ANOS1: variants seen among roughly 807,000 people sequenced by gnomAD.
ANOS1 encodes the protein anosmin 1.
A neutral mutation model predicts 59.0 loss-of-function variants in ANOS1; 6 were observed. The observed-to-expected ratio is 0.10, with a 90% CI of 0.06 to 0.20. ANOS1 has a LOEUF of 0.20. ANOS1 is among the 10% of genes least tolerant of loss of function. ANOS1 has a pLI of 1.00. For missense variants in ANOS1, 433 were observed against 542.3 expected (o/e 0.80, Z 2.00); for synonymous variants, 217 against 223.4 (o/e 0.97, Z 0.25).
chrX:8,703,028 C>T (rs1215763264), intron 1 of ANOS1, among the ~76,000 whole-genome samples: 1 of 112,279 alleles, frequency 8.9e-6, no homozygotes, highest in Non-Finnish European at 1.9e-5. Context: ...TGGGCAGGAC[C>T]TTATCTCTGG....
chrX:8,546,247 G>A (rs180723043), intron 9 of ANOS1, among the ~76,000 whole-genome samples: 4 of 112,044 alleles, frequency 3.6e-5, no homozygotes, highest in East Asian at 2.8e-4. Flanking sequence ...CATGTGGTGA[G>A]TACATAAAAG....
intron 2 of ANOS1, among the ~76,000 whole-genome samples, chrX:8,692,540 C>T (rs755291860): frequency 9.0e-6 from 1 of 111,282 alleles, no homozygotes; most frequent in Non-Finnish European, 1.9e-5. Flanking sequence ...CTCCCCTCCT[C>T]ACCCACACAT....
chrX:8,568,002 T>C (rs1227950592), intron 8 of ANOS1, among the ~76,000 whole-genome samples: 1 of 112,348 alleles, frequency 8.9e-6, no homozygotes, highest in Non-Finnish European at 1.9e-5. Flanking sequence ...TAAATTTCCA[T>C]TACAACACCA....
intron 2 of ANOS1, among the ~76,000 whole-genome samples, chrX:8,680,720 G>A (rs777878242): frequency 9.0e-6 from 1 of 111,508 alleles, no homozygotes. Context: ...CTCTAGCACT[G>A]AGCACTAATC....
chrX:8,665,550 G>T (rs986658675), intron 2 of ANOS1, among the ~76,000 whole-genome samples: 1 of 112,109 alleles, frequency 8.9e-6, no homozygotes, highest in Non-Finnish European at 1.9e-5. Context: ...CATTCTTTAC[G>T]TATTTTGAAT....
intron 3 of ANOS1, among the ~76,000 whole-genome samples, chrX:8,604,248 T>C (rs186910368): frequency 5.7e-4 from 64 of 111,361 alleles, no homozygotes; most frequent in African/African-American, 1.9e-3. Context: ...CCTATTAGAA[T>C]TTCCCAGGGA....
At chrX:8,540,671 C>T (rs1929668287) in intron 9 of ANOS1, among the ~76,000 whole-genome samples, 1 of 106,451 alleles carries the variant, frequency 9.4e-6, no homozygotes, top group Admixed American at 1.0e-4. Flanking sequence ...ATCTTGTCCC[C>T]CAACATCATG....
intron 2 of ANOS1, among the ~76,000 whole-genome samples, chrX:8,626,970 CTT>C (rs762545056): frequency 2.7e-5 from 3 of 111,521 alleles, no homozygotes; most frequent in Non-Finnish European, 5.7e-5. Flanking sequence ...CCTCAAAGCT[CTT>C]GTTACTTATT....
chrX:8,678,342 A>G (rs1364494128), intron 2 of ANOS1, among the ~76,000 whole-genome samples: 1 of 111,968 alleles, frequency 8.9e-6, no homozygotes, highest in African/African-American at 3.3e-5. Context: ...TATCCCTGAG[A>G]ATTTCAAAGG....
chrX:8,700,068 T>C (rs1002216888), intron 1 of ANOS1, among the ~76,000 whole-genome samples: 3 of 112,229 alleles, frequency 2.7e-5, no homozygotes, highest in African/African-American at 9.7e-5. Context: ...GTTCCGCCAA[T>C]AGTCAGCAGT....
intron 1 of ANOS1, among the ~76,000 whole-genome samples, chrX:8,705,359 T>C (rs140222217): frequency 2.4e-3 from 273 of 112,112 alleles, no homozygotes; most frequent in African/African-American, 8.2e-3. Context: ...CATTCACATA[T>C]ATATTTGCCC....
rs1304219147 is a variant in ANOS1, at chrX:8,536,188, C to CTTTTTTTTTTTTTTTTTTT, written c.1622-396_1622-378dup. ...GTTAGAAGAGTTATTAAATCCGAAG[C>CTTTTTTTTTTTTTTTTTTT]TTTTTTTTTTTTTTTTTTTTTTTTT... is the stretch of plus-strand genomic sequence containing the variant. On this transcript the variant is annotated intron_variant, in intron 11 of 13. Coordinates refer to ENST00000262648, the MANE Select transcript of ANOS1 (RefSeq NM_000216.4). Among the ~76,000 whole-genome samples, 11 of 31,891 alleles carry CTTTTTTTTTTTTTTTTTTT rather than the reference C, an allele frequency of 3.4e-4. 4 individuals carry two copies. The highest frequency in any genetic ancestry group is 3.4e-4 in the Non-Finnish European group (6 of 17,808). The allele number at this position is 31,891 out of a possible 115,157, so 27.7% of individuals were successfully genotyped here. A position where few individuals can be genotyped will look rare whatever the true frequency, so the allele number is the denominator to read the frequency against.
intron 9 of ANOS1, among the ~76,000 whole-genome samples, chrX:8,550,958 C>T (rs778298690): frequency 4.4e-4 from 49 of 111,317 alleles, no homozygotes; most frequent in Middle Eastern, 4.7e-3. Flanking sequence ...ATCATGGGGA[C>T]GAGGTTTTCC....
intron 9 of ANOS1, among the ~76,000 whole-genome samples, chrX:8,550,639 T>A: frequency 9.0e-6 from 1 of 111,290 alleles, no homozygotes; most frequent in Non-Finnish European, 1.9e-5. Flanking sequence ...TGCAAAAATA[T>A]GTCAAAGACT....
At chrX:8,690,609 C>T (rs1054548334) in intron 2 of ANOS1, among the ~76,000 whole-genome samples, 2 of 111,640 alleles carry the variant, frequency 1.8e-5, no homozygotes, top group African/African-American at 3.3e-5. Flanking sequence ...GTCATTACCA[C>T]ATAAATCACA....
chrX:8,535,896 C>A, intron 11 of ANOS1, 85 bp from the exon 12 acceptor site: 1 of 732,304 alleles, frequency 1.4e-6, no homozygotes, highest in East Asian at 3.2e-5. Context: ...TTTCAGCGGC[C>A]AGTCTATGGG....
chrX:8,673,230 C>A (rs1298911964), intron 2 of ANOS1, among the ~76,000 whole-genome samples: 2 of 109,289 alleles, frequency 1.8e-5, no homozygotes, highest in Admixed American at 1.0e-4. Context: ...ATGTTCCATG[C>A]ACGGCAAACA....
chrX:8,558,028 T>C (rs973776223), intron 8 of ANOS1, among the ~76,000 whole-genome samples: 1 of 111,059 alleles, frequency 9.0e-6, no homozygotes, highest in Non-Finnish European at 1.9e-5. Context: ...TGCAGGGACA[T>C]GGATGAAGCT....
At chrX:8,672,397 A>G (rs926349841) in intron 2 of ANOS1, among the ~76,000 whole-genome samples, 1 of 112,423 alleles carries the variant, frequency 8.9e-6, no homozygotes, top group Non-Finnish European at 1.9e-5. Flanking sequence ...AGAACTGTGC[A>G]TAGAAATCCC....
Sources: gnomAD v4.1 joint callset for allele counts (sites outside exome capture counted in the v4.1 genomes callset) on GRCh38, gnomAD v4.1.1 for gene constraint, MANE v1.5 for transcripts, NCBI Gene and HGNC (gene_info 2026-07-23, HGNC 2026-07-21) for gene names.